The following ASIC2 variants were observed in gnomAD, a reference collection of about 807,000 sequenced individuals.
ASIC2 encodes the protein acid-sensing ion channel 2.
Under a neutral mutation model 57.3 loss-of-function variants are expected in ASIC2, and 25 were observed. That is an observed-to-expected ratio of 0.44 (90% CI 0.32 to 0.61). The LOEUF is 0.61. Ranked by LOEUF, ASIC2 falls within the 20% of genes least tolerant of loss-of-function variation. The pLI is 0.06. For missense variants in ASIC2, 641 were observed against 738.1 expected, an observed-to-expected ratio of 0.87 and a Z score of 1.52; for synonymous variants, 319 against 307.5, an observed-to-expected ratio of 1.04 and a Z score of -0.39.
At chr17:33,023,104 GA>G (rs1241927507) in intron 6 of ASIC2, among the ~76,000 whole-genome samples, 2 of 152,122 alleles carry the variant, frequency 1.3e-5, no homozygotes, top group Admixed American at 6.5e-5. Context: ...GCTTAAGGAG[GA>G]ACCAGTTAGG....
chr17:34,114,372 G>A (rs1911366758), intron 1 of ASIC2, among the ~76,000 whole-genome samples: 1 of 152,140 alleles, frequency 6.6e-6, no homozygotes, highest in Admixed American at 6.6e-5. Context: ...CTAAAACCAA[G>A]CAGGTGGCTC....
chr17:33,668,830 G>A (rs1430112921), intron 1 of ASIC2, among the ~76,000 whole-genome samples: 1 of 152,230 alleles, frequency 6.6e-6, no homozygotes, highest in Non-Finnish European at 1.5e-5. Context: ...TACTGCCTCT[G>A]CTGAGCCAGG....
At chr17:33,043,751 G>A (rs766134447) in intron 3 of ASIC2, among the ~76,000 whole-genome samples, 8 of 152,170 alleles carry the variant, frequency 5.3e-5, no homozygotes, top group Non-Finnish European at 1.2e-4. Context: ...CAACCTGCCT[G>A]CTTGTGAAGG....
chr17:34,076,488 A>G lies in ASIC2; in HGVS notation c.555+79490T>C, dbSNP rs577423262. 4.6e-5 allele frequency among the ~76,000 whole-genome samples: 7 copies of G among 152,332 alleles called. No individual in the cohort carries two copies. The East Asian group carries it at 9.6e-4, about 21-fold the overall frequency. Reference sequence around the variant, plus strand: ...CATATCTACCTTTTATTGTATATATAGTTTATGGCCAGCCTCTCTCTGCTG... The same window carrying G: ...CATATCTACCTTTTATTGTATATATGGTTTATGGCCAGCCTCTCTCTGCTG... On this transcript the variant is annotated intron_variant, in intron 1 of 9. Transcript: ENST00000359872.
chr17:33,121,578 C>T (rs994123121), intron 1 of ASIC2, among the ~76,000 whole-genome samples: 1 of 152,154 alleles, frequency 6.6e-6, no homozygotes, highest in African/African-American at 2.4e-5. Context: ...TCAGAAAGGC[C>T]AGTGGTGCCA....
intron 1 of ASIC2, among the ~76,000 whole-genome samples, chr17:33,208,954 C>T (rs1039182557): frequency 2.6e-5 from 4 of 152,086 alleles, no homozygotes; most frequent in African/African-American, 9.7e-5. Context: ...TCTCATTTCC[C>T]GGCCTTCTCT....
chr17:33,167,789 C>A (rs961961830), intron 1 of ASIC2, among the ~76,000 whole-genome samples: 4 of 151,968 alleles, frequency 2.6e-5, no homozygotes, highest in South Asian at 2.1e-4. Context: ...CCAAGACGTG[C>A]CTTCCTCTGC....
At chr17:33,149,501 G>A (rs766560314) in intron 1 of ASIC2, among the ~76,000 whole-genome samples, 5 of 152,148 alleles carry the variant, frequency 3.3e-5, no homozygotes, top group African/African-American at 9.7e-5. Flanking sequence ...AAGAGGCTAC[G>A]TCAGATTTGC....
intron 1 of ASIC2, among the ~76,000 whole-genome samples, chr17:33,903,719 G>A (rs1396617965): frequency 1.3e-5 from 2 of 152,208 alleles, no homozygotes; most frequent in African/African-American, 4.8e-5. Context: ...GTTTGGACAT[G>A]AGATGAGATT....
At chr17:33,194,996 A>G (rs1906568189) in intron 1 of ASIC2, among the ~76,000 whole-genome samples, 1 of 152,246 alleles carries the variant, frequency 6.6e-6, no homozygotes, top group Admixed American at 6.5e-5. Context: ...TCTGGAGCTC[A>G]GCAGGATGTG....
At chr17:34,011,514 G>A (rs575856103) in intron 1 of ASIC2, among the ~76,000 whole-genome samples, 1 of 152,138 alleles carries the variant, frequency 6.6e-6, no homozygotes, top group East Asian at 1.9e-4. Context: ...CCCACAATGT[G>A]TTTGAATTCC....
rs544368158 is a variant in ASIC2, at chr17:33,024,004, C to T, written c.1206G>A (p.Ala402=). The change falls in exon 6 of 10, where the codon GCG becomes GCA. Residue 402 remains alanine, a synonymous_variant. Transcript: ENST00000225823. ...AGAGACAGTAATTGCTGTCCTTTTC[C>T]GCCAACAGACCTGGAGGGGAGAGTG... is the stretch of plus-strand genomic sequence containing the variant. ...ECAEPALGLL[A]EKDSNYCLCR... The T allele has an allele frequency of 5.2e-5, 84 of 1,614,064 alleles. No individual in the cohort carries two copies. Among genetic ancestry groups the T allele is most frequent in the Non-Finnish European group, 6.6e-5 (78 of 1,180,006 alleles).
chr17:33,961,370 G>A (rs1904914812), intron 1 of ASIC2, among the ~76,000 whole-genome samples: 1 of 152,016 alleles, frequency 6.6e-6, no homozygotes. Flanking sequence ...CCCTTAACAG[G>A]TGGATCCTGA....
At chr17:33,126,004 C>T (rs895038025) in intron 1 of ASIC2, among the ~76,000 whole-genome samples, 5 of 152,170 alleles carry the variant, frequency 3.3e-5, no homozygotes, top group African/African-American at 7.2e-5. Flanking sequence ...TTAAATTTTG[C>T]GTCTTAGTCC....
chr17:33,031,872 T>C (rs73273991), intron 3 of ASIC2, among the ~76,000 whole-genome samples: 1,583 of 152,320 alleles, frequency 0.01, 34 homozygotes, highest in African/African-American at 0.037. Flanking sequence ...TGTCCTTGTT[T>C]TGAAGTTTAC....
intron 1 of ASIC2, among the ~76,000 whole-genome samples, chr17:33,390,038 C>G (rs912637991): frequency 2.0e-5 from 3 of 151,958 alleles, no homozygotes; most frequent in African/African-American, 7.2e-5. Context: ...TCTGGCTGGG[C>G]GTGGTGGTTC....
chr17:33,515,091 A>G (rs894838851), intron 1 of ASIC2, among the ~76,000 whole-genome samples: 2 of 152,204 alleles, frequency 1.3e-5, no homozygotes, highest in African/African-American at 4.8e-5. Context: ...AAAAGAATGA[A>G]TGGATCCATC....
At chr17:33,135,731 G>A (rs778224859) in intron 1 of ASIC2, among the ~76,000 whole-genome samples, 2 of 152,196 alleles carry the variant, frequency 1.3e-5, no homozygotes, top group Non-Finnish European at 2.9e-5. Flanking sequence ...GAGAGGCAAG[G>A]GGGGCTGGCA....
At chr17:33,817,894 C>T (rs966023078) in intron 1 of ASIC2, among the ~76,000 whole-genome samples, 3 of 152,124 alleles carry the variant, frequency 2.0e-5, no homozygotes, top group Admixed American at 6.5e-5. Flanking sequence ...AAGGCCAGAG[C>T]GCTGCTACTG....
Sources: allele counts gnomAD v4.1 joint callset (sites outside exome capture counted in the v4.1 genomes callset), GRCh38; gene constraint gnomAD v4.1.1; transcripts MANE v1.5; gene names NCBI Gene and HGNC (gene_info 2026-07-23, HGNC 2026-07-21).